KCNMB2: variants seen among roughly 807,000 people sequenced by gnomAD.
The protein encoded by KCNMB2 is calcium-activated potassium channel subunit beta-2.
A neutral mutation model predicts 24.5 loss-of-function variants in KCNMB2; 9 were observed. That is an observed-to-expected ratio of 0.37 (90% CI 0.22 to 0.64). The LOEUF (loss-of-function observed/expected upper bound fraction) is 0.64, where lower values mean the gene tolerates loss of function less well. Among genes scored for constraint, KCNMB2 ranks in the 30% least tolerant of loss-of-function variants. The pLI, the probability that KCNMB2 is intolerant of heterozygous loss-of-function variation, is 0.63. For missense variants in KCNMB2, 226 were observed against 284.3 expected (o/e 0.79, Z 1.47); for synonymous variants, 109 against 104.4 (o/e 1.04, Z -0.27).
intron 2 of KCNMB2, chr3:178,824,418 A>C (rs888839519): frequency 6.6e-6 from 1 of 151,824 alleles, no homozygotes; most frequent in Non-Finnish European, 1.5e-5. Context: ...CCCAGGCTGG[A>C]GTGCAGTGGC....
At chr3:178,724,940 G>A (rs1297285404) in intron 1 of KCNMB2, among the ~76,000 whole-genome samples, 1 of 152,020 alleles carries the variant, frequency 6.6e-6, no homozygotes, top group Non-Finnish European at 1.5e-5. Context: ...GTAATCTGAT[G>A]CCTCCAGCTT....
intron 1 of KCNMB2, among the ~76,000 whole-genome samples, chr3:178,567,259 C>G (rs1435109974): frequency 6.6e-6 from 1 of 151,952 alleles, no homozygotes; most frequent in African/African-American, 2.4e-5. Flanking sequence ...GTCTAAATAG[C>G]TCACTTAAGC....
intron 1 of KCNMB2, among the ~76,000 whole-genome samples, chr3:178,795,522 C>T (rs1345822505): frequency 1.3e-5 from 2 of 152,102 alleles, no homozygotes; most frequent in African/African-American, 4.8e-5. Context: ...CACACAGATA[C>T]CAAAAGAAGC....
chr3:178,756,531 C>T (rs569147010), intron 1 of KCNMB2, among the ~76,000 whole-genome samples: 2 of 152,044 alleles, frequency 1.3e-5, no homozygotes, highest in African/African-American at 4.8e-5. Context: ...TAATAACACA[C>T]TAGTCAAGAA....
chr3:178,568,821 G>C (rs1411118239), intron 1 of KCNMB2, among the ~76,000 whole-genome samples: 5 of 80,138 alleles, frequency 6.2e-5, no homozygotes, highest in Non-Finnish European at 1.2e-4. Context: ...ATAGATAATA[G>C]ATAGATAGAT....
At chr3:178,544,310 A>G (rs967997533) in intron 1 of KCNMB2, among the ~76,000 whole-genome samples, 7 of 152,096 alleles carry the variant, frequency 4.6e-5, no homozygotes, top group Non-Finnish European at 2.9e-5. Context: ...GGCCCACATC[A>G]GATGCTCTTT....
intron 1 of KCNMB2, among the ~76,000 whole-genome samples, chr3:178,793,189 A>T (rs1713393487): frequency 2.0e-5 from 3 of 152,214 alleles, no homozygotes; most frequent in Admixed American, 2.0e-4. Flanking sequence ...ATGGAATCAA[A>T]CATATATGGC....
rs1560006803 is a variant in KCNMB2, at chr3:178,758,232, ATCCAAGGGGATATATATATATATC to A, written c.-67-49087_-67-49064del. Among the ~76,000 whole-genome samples, 38 of 23,182 alleles carry A rather than the reference ATCCAAGGGGATATATATATATATC, an allele frequency of 1.6e-3. 4 individuals carry two copies. Among genetic ancestry groups the A allele is most frequent in the Admixed American group, 2.2e-3 (4 of 1,818 alleles). The allele number at this position is 23,182 out of a possible 152,430, so 15.2% of individuals were successfully genotyped here. ...TCCAAGGGGATATATATATATATAT[ATCCAAGGGGATATATATATATATC>A]TCCAAGGGGATATATATATATATAT... On this transcript the variant is annotated intron_variant, in intron 1 of 4. Coordinates refer to ENST00000452583, the MANE Select transcript of KCNMB2 (RefSeq NM_181361.3).
At chr3:178,767,443 G>A (rs755943180) in intron 1 of KCNMB2, among the ~76,000 whole-genome samples, 3 of 152,128 alleles carry the variant, frequency 2.0e-5, no homozygotes, top group Non-Finnish European at 2.9e-5. Flanking sequence ...ATGGACCTAG[G>A]GAGGATAACT....
chr3:178,655,138 C>CTCTCTCTCTCTA (rs1720285695), intron 1 of KCNMB2, among the ~76,000 whole-genome samples: 1 of 137,808 alleles, frequency 7.3e-6, no homozygotes, highest in Non-Finnish European at 1.6e-5. Context: ...CTCTCTCTCT[C>CTCTCTCTCTCTA]TCTCTATCTC....
chr3:178,777,037 A>G (rs1005226719), intron 1 of KCNMB2, among the ~76,000 whole-genome samples: 1 of 152,238 alleles, frequency 6.6e-6, no homozygotes, highest in Admixed American at 6.5e-5. Flanking sequence ...ATACTTTAAG[A>G]GAGATATTAA....
chr3:178,775,687 T>C (rs1712551811), intron 1 of KCNMB2, among the ~76,000 whole-genome samples: 1 of 152,186 alleles, frequency 6.6e-6, no homozygotes, highest in East Asian at 1.9e-4. Flanking sequence ...TTGTCAAACA[T>C]GTTATTCTCT....
intron 4 of KCNMB2, among the ~76,000 whole-genome samples, chr3:178,840,433 G>C (rs768915877): frequency 2.0e-5 from 3 of 152,186 alleles, no homozygotes; most frequent in Non-Finnish European, 4.4e-5. Flanking sequence ...ACTAGGCAGT[G>C]CCCCAGTGGG....
chr3:178,592,433 TCA>T (rs1717708019), intron 1 of KCNMB2, among the ~76,000 whole-genome samples: 1 of 151,902 alleles, frequency 6.6e-6, no homozygotes, highest in Admixed American at 6.6e-5. Context: ...TATGGTTATC[TCA>T]CACTCTCTTA....
At chr3:178,767,817 A>T (rs570017699) in intron 1 of KCNMB2, among the ~76,000 whole-genome samples, 1 of 152,324 alleles carries the variant, frequency 6.6e-6, no homozygotes, top group African/African-American at 2.4e-5. Context: ...TGACATCTAC[A>T]GCCCAAGGCT....
chr3:178,829,475 A>C (rs1714973411), intron 4 of KCNMB2, among the ~76,000 whole-genome samples: 1 of 152,238 alleles, frequency 6.6e-6, no homozygotes, highest in African/African-American at 2.4e-5. Context: ...TGAGGACTCA[A>C]CATAATAAAT....
chr3:178,554,084 T>A (rs1716045806), intron 1 of KCNMB2, among the ~76,000 whole-genome samples: 2 of 152,124 alleles, frequency 1.3e-5, no homozygotes. Context: ...ATGATAAAGC[T>A]ATGAGGTAGG....
In KCNMB2 at chr3:178,843,593, A is replaced by C. The variant is rs1715507541; in HGVS notation, c.*656A>C. On this transcript the variant is annotated 3_prime_UTR_variant, in exon 5 of 5. Transcript: ENST00000452583. ...AATATCTTCCTGTGATTTATGTAGA[A>C]AATGAACACACCCCTTTTCCATTTA... 5.9e-6 allele frequency: 1 copy of C among 169,048 alleles called. No individual in the cohort carries two copies. Among genetic ancestry groups the C allele is most frequent in the African/African-American group, 2.4e-5 (1 of 41,558 alleles). 10.5% of individuals were successfully genotyped at this position (169,048 alleles called of 1,614,324 possible).
chr3:178,671,462 G>T (rs1045159542), intron 1 of KCNMB2, among the ~76,000 whole-genome samples: 4 of 152,108 alleles, frequency 2.6e-5, no homozygotes, highest in Non-Finnish European at 5.9e-5. Flanking sequence ...CACATGACAG[G>T]TGCTCCCATC....
Sources: allele counts gnomAD v4.1 joint callset (sites outside exome capture counted in the v4.1 genomes callset), GRCh38; gene constraint gnomAD v4.1.1; transcripts MANE v1.5; gene names NCBI Gene and HGNC (gene_info 2026-07-23, HGNC 2026-07-21).